Variants in NRXN3 observed in about 807,000 individuals in gnomAD.
NRXN3 encodes the protein neurexin III.
In NRXN3, 32 loss-of-function variants were observed where a neutral mutation model predicts 137.6. The observed-to-expected ratio is 0.23, with a 90% confidence interval of 0.18 to 0.31. The LOEUF is 0.31. NRXN3 is among the 10% of genes least tolerant of loss of function. The pLI, the probability that NRXN3 is intolerant of heterozygous loss-of-function variation, is 1.00. For missense variants in NRXN3, 1,574 were observed against 2,062.5 expected (o/e 0.76, Z 4.59); for synonymous variants, 798 against 784.5 (o/e 1.02, Z -0.29).
At chr14:79,670,432 T>C (rs1023357898) in intron 17 of NRXN3, among the ~76,000 whole-genome samples, 1 of 152,070 alleles carries the variant, frequency 6.6e-6, no homozygotes, top group African/African-American at 2.4e-5. Flanking sequence ...CCCACAACCT[T>C]GAGAAGGTTC....
chr14:78,572,815 T>C (rs1429292822), intron 4 of NRXN3, among the ~76,000 whole-genome samples: 2 of 152,190 alleles, frequency 1.3e-5, no homozygotes, highest in African/African-American at 4.8e-5. Flanking sequence ...ACATGGTAGA[T>C]TATGAATGGA....
At chr14:79,744,655 T>C (rs2098973559) in intron 19 of NRXN3, among the ~76,000 whole-genome samples, 2 of 152,202 alleles carry the variant, frequency 1.3e-5, no homozygotes, top group South Asian at 4.1e-4. Flanking sequence ...ACAGTGTGCT[T>C]TAAGGAGTCC....
intron 8 of NRXN3, among the ~76,000 whole-genome samples, chr14:78,785,250 G>A (rs956138474): frequency 2.0e-5 from 3 of 152,148 alleles, no homozygotes; most frequent in Non-Finnish European, 4.4e-5. Flanking sequence ...ACACACACTT[G>A]ATCATCTAGT....
intron 11 of NRXN3, among the ~76,000 whole-genome samples, chr14:78,960,682 T>C (rs1285560160): frequency 6.6e-6 from 1 of 152,210 alleles, no homozygotes; most frequent in African/African-American, 2.4e-5. Context: ...TGGGGCCTAA[T>C]GCTGCATGAA....
intron 16 of NRXN3, among the ~76,000 whole-genome samples, chr14:79,563,772 T>C (rs1280113124): frequency 3.9e-5 from 6 of 152,064 alleles, no homozygotes; most frequent in Non-Finnish European, 1.5e-5. Flanking sequence ...TGAATTCAGT[T>C]CTGCAACCTG....
At chr14:79,824,413 C>T (rs200014107) in intron 20 of NRXN3, among the ~76,000 whole-genome samples, 1 of 148,568 alleles carries the variant, frequency 6.7e-6, no homozygotes, top group Non-Finnish European at 1.5e-5. Context: ...GTTTTTTTTT[C>T]CACGTGCATC....
intron 15 of NRXN3, among the ~76,000 whole-genome samples, chr14:79,074,221 CT>C (rs1253836563): frequency 6.6e-6 from 1 of 152,170 alleles, no homozygotes; most frequent in Non-Finnish European, 1.5e-5. Flanking sequence ...ATTTTAGTGT[CT>C]TTGGAGCTTC....
chr14:79,566,844 T>A (rs2097555325), intron 16 of NRXN3, among the ~76,000 whole-genome samples: 1 of 152,154 alleles, frequency 6.6e-6, no homozygotes, highest in Admixed American at 6.6e-5. Flanking sequence ...TAGTTATCAT[T>A]ACATCATGAA....
intron 15 of NRXN3, among the ~76,000 whole-genome samples, chr14:79,208,361 T>C (rs957245630): frequency 6.6e-6 from 1 of 151,138 alleles, no homozygotes; most frequent in East Asian, 1.9e-4. Flanking sequence ...TCATGGTTCA[T>C]TTTTTTCTAA....
At chr14:79,478,230 C>T (rs2096577089) in intron 16 of NRXN3, among the ~76,000 whole-genome samples, 1 of 148,136 alleles carries the variant, frequency 6.8e-6, no homozygotes, top group African/African-American at 2.5e-5. Context: ...TAAATATATA[C>T]ATATACAAGA....
intron 8 of NRXN3, among the ~76,000 whole-genome samples, chr14:78,740,198 G>C (rs2098558347): frequency 6.6e-6 from 1 of 152,044 alleles, no homozygotes; most frequent in African/African-American, 2.4e-5. Flanking sequence ...AGTTTTTCTG[G>C]GCTTGCTTTT....
At chr14:78,622,123 G>GC (rs2097411586) in intron 4 of NRXN3, among the ~76,000 whole-genome samples, 1 of 152,236 alleles carries the variant, frequency 6.6e-6, no homozygotes, top group East Asian at 1.9e-4. Flanking sequence ...CTGGATCAAT[G>GC]CCCCATGGTA....
intron 15 of NRXN3, among the ~76,000 whole-genome samples, chr14:79,195,022 T>C (rs1036432629): frequency 6.6e-6 from 1 of 152,148 alleles, no homozygotes; most frequent in Non-Finnish European, 1.5e-5. Context: ...TCAAAACTGG[T>C]AATTAATCAA....
intron 19 of NRXN3, among the ~76,000 whole-genome samples, chr14:79,747,445 A>G (rs555456146): frequency 6.6e-6 from 1 of 152,274 alleles, no homozygotes; most frequent in South Asian, 2.1e-4. Flanking sequence ...AAAATAGTGC[A>G]GTGGGAGAAC....
chr14:79,720,220 C>G (rs1257322259), intron 19 of NRXN3, among the ~76,000 whole-genome samples: 1 of 151,958 alleles, frequency 6.6e-6, no homozygotes, highest in Non-Finnish European at 1.5e-5. Flanking sequence ...AGGCGAGCTC[C>G]CATTTATAAA....
At chr14:78,335,095 TA>T (rs1166032684) in intron 4 of NRXN3, among the ~76,000 whole-genome samples, 2 of 152,140 alleles carry the variant, frequency 1.3e-5, no homozygotes, top group Non-Finnish European at 2.9e-5. Context: ...AGCCCACCCT[TA>T]CCCCATGAAT....
chr14:78,306,639 G>A (rs761782161), intron 4 of NRXN3, among the ~76,000 whole-genome samples: 2 of 152,152 alleles, frequency 1.3e-5, no homozygotes, highest in Non-Finnish European at 2.9e-5. Context: ...ATTTGCACAA[G>A]TACATATTAA....
At chr14:79,040,212 A>C (rs549938110) in intron 15 of NRXN3, among the ~76,000 whole-genome samples, 88 of 152,310 alleles carry the variant, frequency 5.8e-4, no homozygotes, top group African/African-American at 1.8e-3. Context: ...TAAGATCAGG[A>C]ATCCTGCCTA....
At chr14:79,075,382 G>A (rs1232492662) in intron 15 of NRXN3, among the ~76,000 whole-genome samples, 1 of 152,138 alleles carries the variant, frequency 6.6e-6, no homozygotes, top group African/African-American at 2.4e-5. Flanking sequence ...CAGTTAGATT[G>A]TAAACTTATT....
Sources: gnomAD v4.1 joint callset for allele counts (sites outside exome capture counted in the v4.1 genomes callset) on GRCh38, gnomAD v4.1.1 for gene constraint, MANE v1.5 for transcripts, NCBI Gene and HGNC (gene_info 2026-07-23, HGNC 2026-07-21) for gene names.